EHD4: variants seen among roughly 807,000 people sequenced by gnomAD.
EHD4 encodes EH domain containing 4.
EHD4 carries 37 observed loss-of-function variants against 51.0 expected under a neutral mutation model. The ratio of observed to expected loss-of-function variants is 0.73; its 90% confidence interval spans 0.56 to 0.95. The LOEUF is 0.95. EHD4 is among the 40% of genes least tolerant of loss of function. The pLI, the probability that EHD4 is intolerant of heterozygous loss-of-function variation, is 0.00. For missense variants in EHD4, 632 were observed against 733.1 expected, an observed-to-expected ratio of 0.86 and a Z score of 1.59; for synonymous variants, 297 against 317.3, an observed-to-expected ratio of 0.94 and a Z score of 0.68.
intron 5 of EHD4, among the ~76,000 whole-genome samples, chr15:41,903,560 T>A (rs1351986949): frequency 1.3e-5 from 2 of 152,060 alleles, no homozygotes; most frequent in African/African-American, 4.8e-5. Context: ...TTACATAACC[T>A]TTCTCTTAAC....
chr15:41,923,627 G>A (rs933134510), intron 3 of EHD4, among the ~76,000 whole-genome samples: 2 of 152,212 alleles, frequency 1.3e-5, no homozygotes, highest in Non-Finnish European at 2.9e-5. Flanking sequence ...TGATTGCAAT[G>A]CATGGTGCAG....
intron 2 of EHD4, among the ~76,000 whole-genome samples, chr15:41,953,077 C>T (rs1367173219): frequency 2.7e-5 from 4 of 150,632 alleles, no homozygotes; most frequent in Non-Finnish European, 4.4e-5. Context: ...CCTGGCCCTG[C>T]TCTGATGAAT....
In EHD4 at chr15:41,972,544, C is replaced by A; in HGVS notation, c.-50G>T. On this transcript the variant is annotated 5_prime_UTR_variant, in exon 1 of 6. Coordinates refer to ENST00000220325, the MANE Select transcript of EHD4 (RefSeq NM_139265.4). ...GGGACCCTGCTCCGGGTTCGACTCT[C>A]CCCGGCTCGCACTGAGCCGCCCCGG... 2 of 1,427,772 alleles carry A rather than the reference C, an allele frequency of 1.4e-6. No individual in the cohort carries two copies. Among genetic ancestry groups the A allele is most frequent in the Non-Finnish European group, 1.8e-6 (2 of 1,096,854 alleles). 88.4% of individuals were successfully genotyped at this position (1,427,772 alleles called of 1,614,324 possible).
In EHD4 at chr15:41,896,433, G is replaced by A. The variant is rs2067439231; in HGVS notation, c.*4212C>T. ...GTTCTAACATAAGTCTGGGGGTCCT[G>A]GCTCTCATAGGCTTGAACAGGGCCA... On this transcript the variant is annotated 3_prime_UTR_variant, in exon 6 of 6. Coordinates refer to ENST00000220325, the MANE Select transcript of EHD4 (RefSeq NM_139265.4). 6.6e-6 allele frequency: 1 copy of A among 152,204 alleles called. No homozygotes were observed. The highest frequency in any genetic ancestry group is 2.4e-5 in the African/African-American group (1 of 41,424). The allele number at this position is 152,204 out of a possible 1,614,324, so 9.4% of individuals were successfully genotyped here. A position where few individuals can be genotyped will look rare whatever the true frequency, so the allele number is the denominator to read the frequency against.
At chr15:41,944,043 T>C (rs768441222) in intron 2 of EHD4, among the ~76,000 whole-genome samples, 4 of 152,192 alleles carry the variant, frequency 2.6e-5, no homozygotes, top group African/African-American at 7.2e-5. Context: ...GTCACTGCCC[T>C]TGTATCCACT....
intron 2 of EHD4, among the ~76,000 whole-genome samples, chr15:41,948,489 AAGCTTC>A (rs1172756040): frequency 6.6e-6 from 1 of 152,116 alleles, no homozygotes; most frequent in Non-Finnish European, 1.5e-5. Context: ...ATAATGGGGA[AAGCTTC>A]AGCAAGTTTA....
chr15:41,899,378 A>C lies in EHD4; in HGVS notation c.*1267T>G, dbSNP rs2067460901. On this transcript the variant is annotated 3_prime_UTR_variant, in exon 6 of 6. Transcript: ENST00000220325. ...TGGGGAGCGCACACTCTGGAGCAGAAGTACAGGTATGTGCCCGAATCCTGC... is the reference window on the plus strand; with the variant it reads ...TGGGGAGCGCACACTCTGGAGCAGACGTACAGGTATGTGCCCGAATCCTGC... 6.6e-6 allele frequency: 1 copy of C among 152,202 alleles called. No individual in the cohort carries two copies. Among genetic ancestry groups the C allele is most frequent in the Non-Finnish European group, 1.5e-5 (1 of 68,044 alleles). The allele number at this position is 152,202 out of a possible 1,614,324, so 9.4% of individuals were successfully genotyped here.
intron 1 of EHD4, among the ~76,000 whole-genome samples, chr15:41,956,866 A>G (rs1158895711): frequency 6.6e-6 from 1 of 152,258 alleles, no homozygotes; most frequent in African/African-American, 2.4e-5. Context: ...CAATTTCACC[A>G]TCAAAGAAAT....
At chr15:41,917,408 C>T (rs1259333919) in intron 4 of EHD4, among the ~76,000 whole-genome samples, 7 of 152,176 alleles carry the variant, frequency 4.6e-5, no homozygotes, top group African/African-American at 1.4e-4. Flanking sequence ...CGTAAGCCAC[C>T]GTGCCCGGCC....
chr15:41,972,414 C>T lies in EHD4; in HGVS notation c.81G>A (p.Gly27=), dbSNP rs752045229. The change falls in exon 1 of 6, where the codon GGG becomes GGA. Residue 27 remains glycine, a synonymous_variant. Transcript: ENST00000220325. ...GADAVQTVTG[G]LRSLYLRKVL... is the part of the protein sequence containing the mutation. ...CCTTGCGCAGGTAGAGCGAGCGCAG[C>T]CCGCCCGTCACCGTCTGCACCGCGT... 2 of 1,608,916 alleles carry T rather than the reference C, an allele frequency of 1.2e-6. No individual in the cohort carries two copies. Among genetic ancestry groups the T allele is most frequent in the South Asian group, 1.1e-5 (1 of 90,524 alleles).
chr15:41,907,515 T>A (rs1386307978), intron 5 of EHD4, among the ~76,000 whole-genome samples: 1 of 152,192 alleles, frequency 6.6e-6, no homozygotes, highest in African/African-American at 2.4e-5. Context: ...TTCTCTGTTG[T>A]GTGTGCGTGT....
intron 1 of EHD4, among the ~76,000 whole-genome samples, chr15:41,961,227 A>G (rs968426506): frequency 2.6e-5 from 4 of 152,198 alleles, no homozygotes; most frequent in African/African-American, 9.6e-5. Flanking sequence ...TTGAAAGCAC[A>G]CTGCTGTCTA....
chr15:41,935,013 G>A (rs1292345848), intron 3 of EHD4, among the ~76,000 whole-genome samples: 1 of 152,010 alleles, frequency 6.6e-6, no homozygotes, highest in Admixed American at 6.6e-5. Context: ...AGCAGGTGGC[G>A]GGGGGGCCTC....
chr15:41,942,468 C>G (rs2067779740), intron 3 of EHD4: 2 of 152,470 alleles, frequency 1.3e-5, no homozygotes. Flanking sequence ...TCTTCTCGAA[C>G]TCCTGACCTC....
intron 3 of EHD4, among the ~76,000 whole-genome samples, chr15:41,935,603 C>G (rs558890772): frequency 1.3e-5 from 2 of 152,276 alleles, no homozygotes; most frequent in Admixed American, 6.5e-5. Context: ...TTGCTGCCTT[C>G]TCCGTGTGTG....
chr15:41,940,221 C>A (rs188855951), intron 3 of EHD4, among the ~76,000 whole-genome samples: 1 of 152,290 alleles, frequency 6.6e-6, no homozygotes, highest in African/African-American at 2.4e-5. Context: ...AGGCACAATG[C>A]CCATAAGGGA....
intron 1 of EHD4, among the ~76,000 whole-genome samples, chr15:41,969,750 CT>C (rs1480112025): frequency 6.6e-6 from 1 of 152,178 alleles, no homozygotes; most frequent in Admixed American, 6.5e-5. Context: ...GACATGGTCA[CT>C]TTCCCCCATG....
rs62004267 is a variant in EHD4, at chr15:41,961,572, A to C, written c.237-7632T>G. On this transcript the variant is annotated intron_variant, in intron 1 of 5. Coordinates refer to ENST00000220325, the MANE Select transcript of EHD4 (RefSeq NM_139265.4). ...TTTGAACACTTACGAATGATCTCCC[A>C]CAACTGCATTCCACAGAACATAGGT... is the stretch of plus-strand genomic sequence containing the variant. 4.2e-3 allele frequency among the ~76,000 whole-genome samples: 638 copies of C among 152,340 alleles called. 1 individual carries two copies. Among genetic ancestry groups the C allele is most frequent in the Non-Finnish European group, 6.4e-3 (438 of 68,022 alleles).
At chr15:41,942,980 GAAT>G in intron 3 of EHD4, 84 bp downstream of exon 3, 1 of 1,294,870 alleles carries the variant, frequency 7.7e-7, no homozygotes, top group Non-Finnish European at 1.1e-6. Flanking sequence ...AGGACGGATA[GAAT>G]AATATAGGGA....
Sources: gnomAD v4.1 joint callset for allele counts (sites outside exome capture counted in the v4.1 genomes callset) on GRCh38, gnomAD v4.1.1 for gene constraint, MANE v1.5 for transcripts, NCBI Gene and HGNC (gene_info 2026-07-23, HGNC 2026-07-21) for gene names.